Variants in TYW1 observed in about 807,000 individuals in gnomAD.
TYW1 encodes the protein tRNA-yW synthesizing protein 1 homolog.
TYW1 carries 46 observed loss-of-function variants against 96.2 expected under a neutral mutation model. The ratio of observed to expected loss-of-function variants is 0.48; its 90% CI spans 0.38 to 0.61. TYW1 has a LOEUF of 0.61. Ranked by LOEUF, TYW1 falls within the 20% of genes least tolerant of loss-of-function variation. The pLI, the probability that TYW1 is intolerant of heterozygous loss-of-function variation, is 0.00. For missense variants in TYW1, 684 were observed against 909.6 expected (o/e 0.75, Z 3.19); for synonymous variants, 274 against 323.0 (o/e 0.85, Z 1.63).
chr7:67,184,307 T>G (rs2116309131), intron 14 of TYW1, among the ~76,000 whole-genome samples: 1 of 152,344 alleles, frequency 6.6e-6, no homozygotes, highest in East Asian at 1.9e-4. Flanking sequence ...GAGTGCATGT[T>G]CCTGTGTATC....
chr7:67,209,777 G>C (rs963659435), intron 15 of TYW1, among the ~76,000 whole-genome samples: 1 of 152,034 alleles, frequency 6.6e-6, no homozygotes, highest in Non-Finnish European at 1.5e-5. Flanking sequence ...TCACCATGTT[G>C]GCTAGTCTGG....
chr7:67,136,687 A>G lies in TYW1; in HGVS notation c.1698+19069A>G, dbSNP rs111960820. 9.1e-3 allele frequency among the ~76,000 whole-genome samples: 1,284 copies of G among 140,398 alleles called. 27 individuals carry two copies. The highest frequency in any genetic ancestry group is 0.086 in the East Asian group (424 of 4,950). 92.1% of individuals were successfully genotyped at this position (140,398 alleles called of 152,430 possible). ...TGTGTGTGTGTGTGTGTGTGTGTGTATATATATATATGCTGACATCACTAT... is the reference window on the plus strand; with the variant it reads ...TGTGTGTGTGTGTGTGTGTGTGTGTGTATATATATATGCTGACATCACTAT... On this transcript the variant is annotated intron_variant, in intron 13 of 15. Transcript: ENST00000359626.
intron 15 of TYW1, among the ~76,000 whole-genome samples, chr7:67,204,081 A>T (rs2949109): frequency 0.25 from 38,204 of 152,018 alleles, 4,992 homozygotes; most frequent in African/African-American, 0.3. Flanking sequence ...GTTGCCTTGG[A>T]CTGGATTTCT....
intron 15 of TYW1, among the ~76,000 whole-genome samples, chr7:67,226,425 T>C (rs370765499): frequency 3.4e-4 from 51 of 152,194 alleles, no homozygotes; most frequent in African/African-American, 1.1e-3. Flanking sequence ...ACTTGATGGA[T>C]CAGCTGGCAC....
intron 15 of TYW1, among the ~76,000 whole-genome samples, chr7:67,226,050 AC>A (rs1270016881): frequency 6.6e-6 from 1 of 151,344 alleles, no homozygotes; most frequent in African/African-American, 2.4e-5. Flanking sequence ...TGGGAAGTTC[AC>A]AAGATACCAC....
chr7:67,045,028 G>A (rs1453881326), intron 7 of TYW1, among the ~76,000 whole-genome samples: 2 of 152,120 alleles, frequency 1.3e-5, no homozygotes, highest in East Asian at 3.9e-4. Context: ...GTTTTGGTAA[G>A]AAAAAGCTTG....
chr7:67,153,994 C>G (rs1563044187), intron 13 of TYW1, among the ~76,000 whole-genome samples: 1 of 150,128 alleles, frequency 6.7e-6, no homozygotes, highest in Non-Finnish European at 1.5e-5. Flanking sequence ...GTGGCGTGAC[C>G]TTAGCTTACT....
At chr7:67,000,789 C>G (rs1793356503) in intron 3 of TYW1, among the ~76,000 whole-genome samples, 1 of 152,142 alleles carries the variant, frequency 6.6e-6, no homozygotes, top group Non-Finnish European at 1.5e-5. Context: ...GGAAGGCTAG[C>G]ATGAAAATAA....
At chr7:67,174,471 A>G (rs550603959) in intron 13 of TYW1, among the ~76,000 whole-genome samples, 1 of 150,888 alleles carries the variant, frequency 6.6e-6, no homozygotes, top group African/African-American at 2.4e-5. Flanking sequence ...CCCAATGAAA[A>G]TATTTTTCAA....
At chr7:67,169,120 T>C (rs530088863) in intron 13 of TYW1, among the ~76,000 whole-genome samples, 21 of 152,180 alleles carry the variant, frequency 1.4e-4, no homozygotes, top group Non-Finnish European at 2.5e-4. Flanking sequence ...TAACTTCTGT[T>C]CTTTTATTTC....
intron 1 of TYW1, 37 bp downstream of exon 1, chr7:66,997,019 A>G: frequency 6.2e-7 from 1 of 1,613,410 alleles, no homozygotes; most frequent in Non-Finnish European, 8.5e-7. Context: ...CTGGGGCGGC[A>G]GGGGAGGTAA....
At chr7:67,029,132 G>A (rs1034041670) in intron 7 of TYW1, among the ~76,000 whole-genome samples, 7 of 151,656 alleles carry the variant, frequency 4.6e-5, no homozygotes, top group African/African-American at 1.7e-4. Context: ...CCGAGTAGCT[G>A]GGACTACAGG....
intron 9 of TYW1, among the ~76,000 whole-genome samples, chr7:67,064,754 C>T (rs34813948): frequency 6.6e-6 from 1 of 152,036 alleles, no homozygotes; most frequent in East Asian, 1.9e-4. Context: ...TTCAAGTTGA[C>T]ATTTGAGTGG....
intron 11 of TYW1, among the ~76,000 whole-genome samples, chr7:67,096,380 C>T (rs1364547875): frequency 2.0e-5 from 3 of 152,076 alleles, no homozygotes; most frequent in African/African-American, 7.2e-5. Context: ...GAGCGCAACT[C>T]CATCTCAAAA....
At chr7:67,210,266 G>T (rs1800956133) in intron 15 of TYW1, among the ~76,000 whole-genome samples, 1 of 152,148 alleles carries the variant, frequency 6.6e-6, no homozygotes, top group Non-Finnish European at 1.5e-5. Context: ...TTTCTCATGA[G>T]ACTTGGGTTA....
chr7:67,220,818 A>G (rs1483731460), intron 15 of TYW1, among the ~76,000 whole-genome samples: 1 of 149,358 alleles, frequency 6.7e-6, no homozygotes, highest in Non-Finnish European at 1.5e-5. Flanking sequence ...GCTTGCCACA[A>G]CCTCCACCTC....
intron 15 of TYW1, among the ~76,000 whole-genome samples, chr7:67,229,807 A>G (rs1801689862): frequency 6.6e-6 from 1 of 152,174 alleles, no homozygotes; most frequent in African/African-American, 2.4e-5. Flanking sequence ...TTAAAACATT[A>G]GCTGGATATG....
chr7:67,033,776 A>G (rs559007455), intron 7 of TYW1, among the ~76,000 whole-genome samples: 22 of 151,298 alleles, frequency 1.5e-4, no homozygotes, highest in East Asian at 5.8e-4. Context: ...GCTCAGTACA[A>G]CCTCTGCCTC....
rs570408087 is a variant in TYW1, at chr7:67,223,115, GA to G, written c.1978-15192del. ...TTCCCACATATTCCTGTAGTTTTTA[GA>G]GCATCTTTAAGATCGCTGTTTTAAA... On this transcript the variant is annotated intron_variant, in intron 15 of 15. Transcript: ENST00000359626. Among the ~76,000 whole-genome samples, 17 of 152,036 alleles carry G rather than the reference GA, an allele frequency of 1.1e-4. No homozygotes were observed. The South Asian group carries it at 3.1e-3, about 28-fold the overall frequency.
Sources: allele counts gnomAD v4.1 joint callset (sites outside exome capture counted in the v4.1 genomes callset), GRCh38; gene constraint gnomAD v4.1.1; transcripts MANE v1.5; gene names NCBI Gene and HGNC (gene_info 2026-07-23, HGNC 2026-07-21).